The following MIXL1 variants were observed in gnomAD, a reference collection of about 807,000 sequenced individuals.
The protein encoded by MIXL1 is Mix paired-like homeobox.
Under a neutral mutation model 9.3 loss-of-function variants are expected in MIXL1, and 9 were observed. That is an observed-to-expected ratio of 0.97 (90% confidence interval 0.58 to 1.69). The LOEUF (loss-of-function observed/expected upper bound fraction) is 1.69, where lower values mean the gene tolerates loss of function less well. Ranked by LOEUF, MIXL1 falls within the 40% of genes most tolerant of loss-of-function variation. The pLI, the probability that MIXL1 is intolerant of heterozygous loss-of-function variation, is 0.00. For synonymous variants in MIXL1, 164 were observed against 155.6 expected (o/e 1.05, Z -0.40); for missense variants, 330 against 331.7 (o/e 0.99, Z 0.04).
chr1:226,223,801 C>G lies in MIXL1; in HGVS notation c.120C>G (p.Leu40=). The G allele has an allele frequency of 8.1e-7, 1 of 1,239,378 alleles. No homozygotes were observed. The highest frequency in any genetic ancestry group is 1.6e-5 in the African/African-American group (1 of 63,360). 76.8% of individuals were successfully genotyped at this position (1,239,378 alleles called of 1,614,324 possible). A position where few individuals can be genotyped will look rare whatever the true frequency, so the allele number is the denominator to read the frequency against. ...LPPPSPAAAL[L]PAPPAGPGPA... ...CCCCGAGCCCTGCGGCAGCCCTGCT[C>G]CCTGCGCCGCCCGCGGGCCCCGGCC... Residue 40 remains leucine (L), a synonymous_variant, in exon 1 of 2, where the codon CTC becomes CTG. Coordinates refer to ENST00000366810, the MANE Select transcript of MIXL1 (RefSeq NM_031944.3).
In MIXL1 at chr1:226,226,579, T is replaced by A. The variant is rs1261880096; in HGVS notation, c.*767T>A. On this transcript the variant is annotated 3_prime_UTR_variant, in exon 2 of 2. Transcript: ENST00000366810. ...CTGTAGTCCCAGCTACTCAGGAGGCTGAGGCAGGAGAATCACTTGAGCCTG... is the reference window on the plus strand; with the variant it reads ...CTGTAGTCCCAGCTACTCAGGAGGCAGAGGCAGGAGAATCACTTGAGCCTG... 4.8e-5 allele frequency: 7 copies of A among 146,738 alleles called. No individual in the cohort carries two copies. The highest frequency in any genetic ancestry group is 4.3e-4 in the Admixed American group (6 of 13,976). 9.1% of individuals were successfully genotyped at this position (146,738 alleles called of 1,614,324 possible). A position where few individuals can be genotyped will look rare whatever the true frequency, so the allele number is the denominator to read the frequency against.
Position 226,223,868 on chromosome 1 carries a change from G to GCCCCGCCGC in MIXL1, c.192_200dup (p.Pro65_Pro67dup). ...CTTCCTCGGCCGGGACCCCGGGCCG[G>GCCCCGCCGC]CCCCGCCGCCCCCCGCCAGCCTGGG... On this transcript the variant is annotated inframe_insertion, in exon 1 of 2. Transcript: ENST00000366810. 3 of 1,200,802 alleles carry GCCCCGCCGC rather than the reference G, an allele frequency of 2.5e-6. No individual in the cohort carries two copies. Among genetic ancestry groups the GCCCCGCCGC allele is most frequent in the Non-Finnish European group, 3.1e-6 (3 of 969,524 alleles). 74.4% of individuals were successfully genotyped at this position (1,200,802 alleles called of 1,614,324 possible).
In MIXL1 at chr1:226,224,039, G is replaced by A; in HGVS notation, c.358G>A (p.Ala120Thr). The change falls in exon 1 of 2, where the codon GCC becomes ACC. Residue 120 changes from alanine (A) to threonine (T), a missense_variant. Transcript: ENST00000366810. ...CGACATCCACTTGCGCGAGCGCCTG[G>A]CCGCGCTCACCCTGCTCCCCGAGTC... ...YPDIHLRERL[A>T]ALTLLPESRI... 1 of 1,400,772 alleles carries A rather than the reference G, an allele frequency of 7.1e-7. No individual in the cohort carries two copies. Among genetic ancestry groups the A allele is most frequent in the Non-Finnish European group, 9.4e-7 (1 of 1,064,794 alleles). 86.8% of individuals were successfully genotyped at this position (1,400,772 alleles called of 1,614,324 possible). A position where few individuals can be genotyped will look rare whatever the true frequency, so the allele number is the denominator to read the frequency against.
rs2102811004 is a variant in MIXL1, at chr1:226,225,958, T to A, written c.*146T>A. On this transcript the variant is annotated 3_prime_UTR_variant, in exon 2 of 2. Transcript: ENST00000366810. ...GATGGTTTTGACAGCACCTCTCACATTTGAAGGTACCCCGCCACTTTGTCA... is the reference window on the plus strand; with the variant it reads ...GATGGTTTTGACAGCACCTCTCACAATTGAAGGTACCCCGCCACTTTGTCA... 1.4e-6 allele frequency: 1 copy of A among 707,500 alleles called. No individual in the cohort carries two copies. Among genetic ancestry groups the A allele is most frequent in the South Asian group, 1.8e-5 (1 of 55,672 alleles). The allele number at this position is 707,500 out of a possible 1,614,324, so 43.8% of individuals were successfully genotyped here. A position where few individuals can be genotyped will look rare whatever the true frequency, so the allele number is the denominator to read the frequency against.
At position 226,225,507 on chromosome 1, in the gene MIXL1, G is replaced by A; in HGVS notation, c.394G>A (p.Val132Ile). 1.2e-6 allele frequency: 2 copies of A among 1,613,548 alleles called. No homozygotes were observed. Among genetic ancestry groups the A allele is most frequent in the Admixed American group, 1.7e-5 (1 of 59,918 alleles). The change falls in exon 2 of 2, where the codon GTA (valine) becomes ATA (isoleucine). Residue 132 changes from valine to isoleucine, a missense_variant and splice_region_variant. Coordinates refer to ENST00000366810, the MANE Select transcript of MIXL1 (RefSeq NM_031944.3). ...GCTTTTATTTTCTCCCCTCTTCCAG[G>A]TATGGTTCCAGAACAGGCGTGCCAA... ...LTLLPESRIQ[V>I]WFQNRRAKSR... is the part of the protein sequence containing the mutation.
chr1:226,225,586 T>C lies in MIXL1; in HGVS notation c.473T>C (p.Ile158Thr), dbSNP rs1408141677. The C allele has an allele frequency of 6.2e-7, 1 of 1,614,088 alleles. No homozygotes were observed. The highest frequency in any genetic ancestry group is 1.3e-5 in the African/African-American group (1 of 74,936). Residue 158 changes from isoleucine (I) to threonine (T), a missense_variant, in exon 2 of 2, where the codon ATC (isoleucine) becomes ACC (threonine). Coordinates refer to ENST00000366810, the MANE Select transcript of MIXL1 (RefSeq NM_031944.3). ...CAACCTTTGGCTAGGCCGGAGATTA[T>C]CCTCAACCACTGTGCTCCTGGAACT... is the stretch of plus-strand genomic sequence containing the variant. ...SFQPLARPEI[I>T]LNHCAPGTET... is the part of the protein sequence containing the mutation.
Position 226,223,876 on chromosome 1 carries a change from GC to G in MIXL1, c.201del (p.Ala68ProfsTer104), listed in dbSNP as rs1310131842. 4.1e-6 allele frequency: 5 copies of G among 1,212,622 alleles called. No individual in the cohort carries two copies. Among genetic ancestry groups the G allele is most frequent in the Non-Finnish European group, 4.1e-6 (4 of 976,622 alleles). 75.1% of individuals were successfully genotyped at this position (1,212,622 alleles called of 1,614,324 possible). On this transcript the variant is annotated frameshift_variant, in exon 1 of 2. Transcript: ENST00000366810. LOFTEE classifies it high-confidence loss of function. ...GCCGGGACCCCGGGCCGGCCCCGCC[GC>G]CCCCCGCCAGCCTGGGCTCGCCTGC... is the stretch of plus-strand genomic sequence containing the variant. ...LGRDPGPAPP[P>X]PASLGSPAPP...
rs190120004 is a variant in MIXL1, at chr1:226,225,360, T to A, written c.394-147T>A. On this transcript the variant is annotated intron_variant, in intron 1 of 1. Transcript: ENST00000366810. ...AAAGCCAGGTGTTCTGAACTTCTAATCGTCAACCCAAGTGCTTTCTGAAGA... is the reference window on the plus strand; with the variant it reads ...AAAGCCAGGTGTTCTGAACTTCTAAACGTCAACCCAAGTGCTTTCTGAAGA... 5.5e-4 allele frequency: 440 copies of A among 805,188 alleles called. 5 individuals are homozygous for A. In the African/African-American group the frequency reaches 7.1e-3, roughly 13 times the overall value. The allele number at this position is 805,188 out of a possible 1,614,324, so 49.9% of individuals were successfully genotyped here.
chr1:226,225,160 A>T (rs1414446270), intron 1 of MIXL1, among the ~76,000 whole-genome samples: 4 of 152,230 alleles, frequency 2.6e-5, no homozygotes, highest in Non-Finnish European at 5.9e-5. Context: ...TAGTTTGACA[A>T]GGGAGTGCAG....
At position 226,225,784 on chromosome 1, in the gene MIXL1, A is replaced by G; in HGVS notation, c.671A>G (p.His224Arg). The G allele has an allele frequency of 6.2e-7, 1 of 1,612,820 alleles. No homozygotes were observed. The highest frequency in any genetic ancestry group is 2.2e-5 in the East Asian group (1 of 44,856). The change falls in exon 2 of 2, where the codon CAC becomes CGC. Residue 224 changes from histidine to arginine, a missense_variant. Physicochemically the swap from His to Arg is conservative, Grantham distance 29. Transcript: ENST00000366810. ...IGSKLDSWEE[H>R]IFSAFGNF ...TCAAAGCTGGACTCATGGGAGGAACACATCTTTTCTGCCTTTGGTAACTTT... is the reference window on the plus strand; with the variant it reads ...TCAAAGCTGGACTCATGGGAGGAACGCATCTTTTCTGCCTTTGGTAACTTT...
Position 226,225,797 on chromosome 1 carries a change from C to T in MIXL1, c.684C>T (p.Ala228=), listed in dbSNP as rs143393232. The part of the protein sequence containing the change: ...LDSWEEHIFS[A]FGNF ...CATGGGAGGAACACATCTTTTCTGC[C>T]TTTGGTAACTTTTGAGGATTCTGGG... The change falls in exon 2 of 2, where the codon GCC becomes GCT. Residue 228 remains alanine, a synonymous_variant. Coordinates refer to ENST00000366810, the MANE Select transcript of MIXL1 (RefSeq NM_031944.3). 6.2e-7 allele frequency: 1 copy of T among 1,610,558 alleles called. No homozygotes were observed. Among genetic ancestry groups the T allele is most frequent in the Non-Finnish European group, 8.5e-7 (1 of 1,177,744 alleles).
In MIXL1 at chr1:226,224,099, T is replaced by C. The variant is rs754923907; in HGVS notation, c.393+25T>C. 5 of 1,283,320 alleles carry C rather than the reference T, an allele frequency of 3.9e-6. No homozygotes were observed. The East Asian group carries it at 1.2e-4, about 30-fold the overall frequency. 79.5% of individuals were successfully genotyped at this position (1,283,320 alleles called of 1,614,324 possible). A position where few individuals can be genotyped will look rare whatever the true frequency, so the allele number is the denominator to read the frequency against. On this transcript the variant is annotated intron_variant, in intron 1 of 1. Transcript: ENST00000366810. The stretch of plus-strand genomic sequence containing the variant: ...GGTGAGGGCCCGCTGCGTTCGCAAG[T>C]GCGCGCTGGAGCGGAGGCGCTGCGG...
rs1657132596 is a variant in MIXL1 at position 226,225,333 on chromosome 1, G to A, written c.394-174G>A. 6.2e-6 allele frequency: 4 copies of A among 642,388 alleles called. No homozygotes were observed. In the South Asian group the frequency reaches 8.4e-5, roughly 14 times the overall value. 39.8% of individuals were successfully genotyped at this position (642,388 alleles called of 1,614,324 possible). A position where few individuals can be genotyped will look rare whatever the true frequency, so the allele number is the denominator to read the frequency against. ...TTTCCATCTGGGAATGGGGAGGCAA[G>A]GAAAGCCAGGTGTTCTGAACTTCTA... On this transcript the variant is annotated intron_variant, in intron 1 of 1. Coordinates refer to ENST00000366810, the MANE Select transcript of MIXL1 (RefSeq NM_031944.3).
intron 1 of MIXL1, among the ~76,000 whole-genome samples, chr1:226,225,062 T>G (rs1043840057): frequency 2.0e-5 from 3 of 152,214 alleles, no homozygotes; most frequent in Admixed American, 2.0e-4. Context: ...ATTTAAACAC[T>G]GGGAGAGTGG....
rs1323329847 is a variant in MIXL1 at position 226,225,862 on chromosome 1, C to T, written c.*50C>T. 1.4e-6 allele frequency: 2 copies of T among 1,426,762 alleles called. No individual in the cohort carries two copies. Among genetic ancestry groups the T allele is most frequent in the East Asian group, 2.3e-5 (1 of 43,894 alleles). 88.4% of individuals were successfully genotyped at this position (1,426,762 alleles called of 1,614,324 possible). On this transcript the variant is annotated 3_prime_UTR_variant, in exon 2 of 2. Coordinates refer to ENST00000366810, the MANE Select transcript of MIXL1 (RefSeq NM_031944.3). ...GCTCTGAGGAGCCATGACTGACAGCCTGGGAGAGACACATCAGCATACTGT... is the reference window on the plus strand; with the variant it reads ...GCTCTGAGGAGCCATGACTGACAGCTTGGGAGAGACACATCAGCATACTGT...
At chr1:226,224,918 C>T (rs1364491673) in intron 1 of MIXL1, among the ~76,000 whole-genome samples, 1 of 152,218 alleles carries the variant, frequency 6.6e-6, no homozygotes, top group Non-Finnish European at 1.5e-5. Flanking sequence ...AGGCGTGAGC[C>T]ACCGCGCCCG....
chr1:226,224,145 G>A, intron 1 of MIXL1, 71 bp downstream of exon 1: 2 of 1,223,474 alleles, frequency 1.6e-6, no homozygotes, highest in South Asian at 4.0e-5. Context: ...TGGACTGCGG[G>A]CTCCTGAGGC....
rs1452556896 is a variant in MIXL1, at chr1:226,223,882, C to T, written c.201C>T (p.Pro67=). Residue 67 remains proline (P), a synonymous_variant, in exon 1 of 2, where the codon CCC becomes CCT. Transcript: ENST00000366810. Reference sequence around the variant, plus strand: ...ACCCCGGGCCGGCCCCGCCGCCCCCCGCCAGCCTGGGCTCGCCTGCGCCCC... The same window carrying T: ...ACCCCGGGCCGGCCCCGCCGCCCCCTGCCAGCCTGGGCTCGCCTGCGCCCC... ...GRDPGPAPPP[P]ASLGSPAPPK... is the part of the protein sequence containing the mutation. 5 of 1,226,300 alleles carry T rather than the reference C, an allele frequency of 4.1e-6. No individual in the cohort carries two copies. The highest frequency in any genetic ancestry group is 3.3e-5 in the East Asian group (1 of 29,880). 76.0% of individuals were successfully genotyped at this position (1,226,300 alleles called of 1,614,324 possible). A position where few individuals can be genotyped will look rare whatever the true frequency, so the allele number is the denominator to read the frequency against.
At chr1:226,224,922 G>A (rs1190489784) in intron 1 of MIXL1, among the ~76,000 whole-genome samples, 2 of 152,186 alleles carry the variant, frequency 1.3e-5, no homozygotes, top group South Asian at 4.1e-4. Flanking sequence ...GTGAGCCACC[G>A]CGCCCGGCCG....
Sources: allele counts gnomAD v4.1 joint callset (sites outside exome capture counted in the v4.1 genomes callset), GRCh38; gene constraint gnomAD v4.1.1; transcripts MANE v1.5; gene names NCBI Gene and HGNC (gene_info 2026-07-23, HGNC 2026-07-21).